Variants in NREP observed in about 807,000 individuals in gnomAD.
The protein encoded by NREP is neuronal regeneration-related protein.
A neutral mutation model predicts 8.6 loss-of-function variants in NREP; 5 were observed. That is an observed-to-expected ratio of 0.58 (90% CI 0.30 to 1.22). NREP has a LOEUF of 1.22. Ranked by LOEUF, NREP falls within the 50% of genes most tolerant of loss-of-function variation. The probability of loss-of-function intolerance (pLI) is 0.07; values close to 1 mark genes in which losing one functional copy is unlikely to be tolerated. For synonymous variants in NREP, 27 were observed against 28.0 expected, an observed-to-expected ratio of 0.96 and a Z score of 0.11; for missense variants, 86 against 82.5, an observed-to-expected ratio of 1.04 and a Z score of -0.17.
At chr5:111,752,540 T>A (rs183073474) in intron 2 of NREP, among the ~76,000 whole-genome samples, 1 of 152,322 alleles carries the variant, frequency 6.6e-6, no homozygotes, top group East Asian at 1.9e-4. Context: ...TCTTTTTCTT[T>A]AAACAAGGAA....
In NREP at chr5:111,953,115, T is replaced by C. The variant is rs148158293; in HGVS notation, c.135+22159A>G. On this transcript the variant is annotated intron_variant, in intron 2 of 3. Coordinates refer to the NREP transcript ENST00000395634. The stretch of plus-strand genomic sequence containing the variant: ...TTACTAAGTAGCCCTCTTCTTCAAC[T>C]TTCTCTCATGTTGTTATTGTCTTCC... Among the ~76,000 whole-genome samples the C allele has an allele frequency of 1.3e-4, 20 of 152,270 alleles. No homozygotes were observed. The East Asian group carries it at 3.9e-3, about 29-fold the overall frequency.
intron 2 of NREP, among the ~76,000 whole-genome samples, chr5:111,864,055 A>G (rs1470579734): frequency 6.6e-6 from 1 of 152,144 alleles, no homozygotes; most frequent in Non-Finnish European, 1.5e-5. Context: ...TTCTTGAAGG[A>G]GAACTGTCAA....
chr5:111,858,299 A>G (rs1006601586), intron 2 of NREP, among the ~76,000 whole-genome samples: 1 of 152,020 alleles, frequency 6.6e-6, no homozygotes, highest in Non-Finnish European at 1.5e-5. Context: ...CCTCCCCTGC[A>G]GTAAGGTTTC....
At chr5:111,890,984 C>G (rs1239509347) in intron 2 of NREP, among the ~76,000 whole-genome samples, 1 of 152,222 alleles carries the variant, frequency 6.6e-6, no homozygotes, top group Non-Finnish European at 1.5e-5. Flanking sequence ...TGCCTGAATT[C>G]TTCTCCTGAA....
intron 2 of NREP, among the ~76,000 whole-genome samples, chr5:111,823,992 T>G (rs1752566080): frequency 6.6e-6 from 1 of 152,206 alleles, no homozygotes; most frequent in Non-Finnish European, 1.5e-5. Context: ...CTTTAATTGG[T>G]TCACAGATTA....
chr5:111,764,763 T>G (rs529325649), intron 2 of NREP, among the ~76,000 whole-genome samples: 4 of 152,210 alleles, frequency 2.6e-5, no homozygotes, highest in African/African-American at 9.6e-5. Context: ...CTTGTAATGA[T>G]ACCCAAGAAG....
intron 2 of NREP, among the ~76,000 whole-genome samples, chr5:111,895,101 A>T (rs1473281873): frequency 1.3e-5 from 2 of 152,220 alleles, no homozygotes; most frequent in South Asian, 4.1e-4. Context: ...TAATTTAGAG[A>T]TAATTTGATA....
chr5:111,755,069 A>T (rs1451763956), intron 2 of NREP, among the ~76,000 whole-genome samples: 1 of 152,162 alleles, frequency 6.6e-6, no homozygotes, highest in Non-Finnish European at 1.5e-5. Context: ...TTCATAGATG[A>T]TTAATATACT....
At chr5:111,967,387 A>C (rs1032276278) in intron 2 of NREP, among the ~76,000 whole-genome samples, 1 of 152,154 alleles carries the variant, frequency 6.6e-6, no homozygotes, top group Admixed American at 6.5e-5. Flanking sequence ...TTTAATTCGT[A>C]TTACACAGCT....
intron 2 of NREP, among the ~76,000 whole-genome samples, chr5:111,789,684 C>G (rs1484838297): frequency 6.6e-6 from 1 of 152,140 alleles, no homozygotes; most frequent in African/African-American, 2.4e-5. Context: ...TGTAGATTCT[C>G]TTTCTAACCT....
At chr5:111,881,388 C>A (rs1355091318) in intron 2 of NREP, among the ~76,000 whole-genome samples, 1 of 152,224 alleles carries the variant, frequency 6.6e-6, no homozygotes, top group African/African-American at 2.4e-5. Context: ...TAGGCTTCAC[C>A]TCTGGGGGGC....
At chr5:111,763,991 G>A (rs2112865919) in intron 2 of NREP, among the ~76,000 whole-genome samples, 1 of 152,298 alleles carries the variant, frequency 6.6e-6, no homozygotes, top group Admixed American at 6.5e-5. Flanking sequence ...CAACCAAACG[G>A]TGGATTAACA....
At chr5:111,929,723 T>C (rs960377130) in intron 2 of NREP, among the ~76,000 whole-genome samples, 1 of 152,196 alleles carries the variant, frequency 6.6e-6, no homozygotes, top group African/African-American at 2.4e-5. Flanking sequence ...GTCAAGGCAA[T>C]TCCTGTGTGG....
chr5:111,858,589 G>T (rs1004265539), intron 2 of NREP, among the ~76,000 whole-genome samples: 22 of 152,112 alleles, frequency 1.4e-4, no homozygotes, highest in Non-Finnish European at 5.9e-5. Context: ...ATTCAAAGTT[G>T]CTGTGAGCCA....
intron 2 of NREP, among the ~76,000 whole-genome samples, chr5:111,832,928 G>A (rs910080428): frequency 3.3e-5 from 5 of 152,182 alleles, no homozygotes; most frequent in African/African-American, 9.6e-5. Context: ...CTAAATAAGA[G>A]TAGAGCCCTA....
At chr5:111,759,415 TTCTTTC>T (rs1398619892), upstream of NREP, among the ~76,000 whole-genome samples, 3 of 142,344 alleles carry the variant, frequency 2.1e-5, no homozygotes, top group East Asian at 2.6e-4. Flanking sequence ...CTTTCTTTCT[TTCTTTC>T]TTTTTTTTTT....
chr5:111,866,890 C>T (rs2112489965), intron 2 of NREP, among the ~76,000 whole-genome samples: 1 of 150,808 alleles, frequency 6.6e-6, no homozygotes, highest in South Asian at 2.1e-4. Context: ...CAAACGATCG[C>T]AAGGACAAAA....
chr5:111,968,387 T>C (rs1054591075), intron 2 of NREP, among the ~76,000 whole-genome samples: 2 of 152,240 alleles, frequency 1.3e-5, no homozygotes, highest in Non-Finnish European at 2.9e-5. Flanking sequence ...ACATTTCTAG[T>C]ACAGAAACTG....
At chr5:111,855,815 A>G (rs554845755) in intron 2 of NREP, among the ~76,000 whole-genome samples, 195 of 152,264 alleles carry the variant, frequency 1.3e-3, no homozygotes, top group African/African-American at 4.5e-3. Flanking sequence ...AACCTCCCCA[A>G]TAATACTTTC....
Sources: gnomAD v4.1 joint callset for allele counts (sites outside exome capture counted in the v4.1 genomes callset) on GRCh38, gnomAD v4.1.1 for gene constraint, MANE v1.5 for transcripts, NCBI Gene and HGNC (gene_info 2026-07-23, HGNC 2026-07-21) for gene names.